The following MACROD1 variants were observed in gnomAD, a reference collection of about 807,000 sequenced individuals.
The protein encoded by MACROD1 is mono-ADP ribosylhydrolase 1.
MACROD1 carries 31 observed loss-of-function variants against 41.4 expected under a neutral mutation model. The ratio of observed to expected loss-of-function variants is 0.75; its 90% confidence interval spans 0.56 to 1.01. The LOEUF (loss-of-function observed/expected upper bound fraction) is 1.01, where lower values mean the gene tolerates loss of function less well. Ranked by LOEUF, MACROD1 falls within the 50% of genes least tolerant of loss-of-function variation. MACROD1 has a pLI of 0.00. For missense variants in MACROD1, 473 were observed against 460.0 expected, an observed-to-expected ratio of 1.03 and a Z score of -0.26; for synonymous variants, 252 against 203.4, an observed-to-expected ratio of 1.24 and a Z score of -2.03.
intron 3 of MACROD1, among the ~76,000 whole-genome samples, chr11:64,109,448 T>C (rs1270350721): frequency 6.6e-6 from 1 of 151,862 alleles, no homozygotes; most frequent in Non-Finnish European, 1.5e-5. Flanking sequence ...GGGCAGCAGC[T>C]CCACAAAGGG....
chr11:64,117,248 C>A (rs929171159), intron 3 of MACROD1: 1 of 1,614,212 alleles, frequency 6.2e-7, no homozygotes, highest in Non-Finnish European at 8.5e-7. Flanking sequence ...TGCTCAGGAA[C>A]AACCCTTGGT....
chr11:64,116,832 C>A lies in MACROD1; in HGVS notation c.517+34407G>T. On this transcript the variant is annotated intron_variant, in intron 3 of 10. Transcript: ENST00000255681. ...GCTGCTCTTCCTGAGCCGGAACCAC[C>A]TGAGCAGCATCCCCTCGGGGCTGCC... 1 of 1,613,118 alleles carries A rather than the reference C, an allele frequency of 6.2e-7. No individual in the cohort carries two copies. The highest frequency in any genetic ancestry group is 8.5e-7 in the Non-Finnish European group (1 of 1,179,984).
chr11:64,101,741 A>T, intron 3 of MACROD1, among the ~76,000 whole-genome samples: 1 of 151,722 alleles, frequency 6.6e-6, no homozygotes, highest in Admixed American at 6.5e-5. Flanking sequence ...CCTCCTGCGT[A>T]AGCCCCACCG....
rs890802668 is a variant in MACROD1 at position 64,064,320 on chromosome 11, T to C, written c.518-49039A>G. Among the ~76,000 whole-genome samples the C allele has an allele frequency of 1.3e-5, 2 of 152,060 alleles. No individual in the cohort carries two copies. Among genetic ancestry groups the C allele is most frequent in the Non-Finnish European group, 2.9e-5 (2 of 67,994 alleles). On this transcript the variant is annotated intron_variant, in intron 3 of 10. Transcript: ENST00000255681. This position sits in a 1 kb window ranked among gnomAD's most constrained non-coding sequence, Gnocchi z 4.5. The stretch of plus-strand genomic sequence containing the variant: ...GTTCAGGCGGCGGGTAGGGGGGTGA[T>C]GTCTCATCAGAAGAGGGGCCTGCCT...
intron 3 of MACROD1, chr11:64,118,568 T>G: frequency 2.6e-6 from 1 of 378,532 alleles, no homozygotes; most frequent in South Asian, 8.1e-5. Context: ...GGACTAAAAA[T>G]AATATTGCAG....
intron 3 of MACROD1, among the ~76,000 whole-genome samples, chr11:64,073,923 G>C (rs1944154575): frequency 6.6e-6 from 1 of 152,182 alleles, no homozygotes; most frequent in African/African-American, 2.4e-5. Flanking sequence ...GGTTGGTTGG[G>C]CTGAAGGTCA....
At chr11:64,153,571 C>CA (rs1945618250) in intron 1 of MACROD1, among the ~76,000 whole-genome samples, 1 of 152,174 alleles carries the variant, frequency 6.6e-6, no homozygotes, top group African/African-American at 2.4e-5. Context: ...AGGCCTCCAT[C>CA]TCCTCATCTA....
rs533650467 is a variant in MACROD1, at chr11:64,152,983, C to A, written c.299-590G>T. Among the ~76,000 whole-genome samples the A allele has an allele frequency of 6.6e-5, 10 of 152,276 alleles. No individual in the cohort carries two copies. In the South Asian group the frequency reaches 1.9e-3, roughly 29 times the overall value. On this transcript the variant is annotated intron_variant, in intron 1 of 10. Transcript: ENST00000255681. The stretch of plus-strand genomic sequence containing the variant: ...CCAGCATGACCAATGGGGTTGGAAT[C>A]GTTCTCGTTTTACAGATGAGGAAAC...
At chr11:64,039,163 G>A (rs182823997) in intron 3 of MACROD1, among the ~76,000 whole-genome samples, 31 of 152,272 alleles carry the variant, frequency 2.0e-4, no homozygotes, top group Middle Eastern at 3.4e-3. Flanking sequence ...AGGGGGAGCT[G>A]GAGGGCTTTT....
rs77630047 is a variant in MACROD1 at position 64,001,958 on chromosome 11, A to G, written c.548-1615T>C. ...AGTTGCTCCATCTGGAAAATGGGAT[A>G]ATAGCACCCACCTCAGAGCTCATTG... On this transcript the variant is annotated intron_variant, in intron 4 of 10. Transcript: ENST00000255681. 460 of 598,794 alleles carry G rather than the reference A, an allele frequency of 7.7e-4. 2 individuals carry two copies. In the African/African-American group the frequency reaches 8.0e-3, roughly 10 times the overall value. 37.1% of individuals were successfully genotyped at this position (598,794 alleles called of 1,614,324 possible). A position where few individuals can be genotyped will look rare whatever the true frequency, so the allele number is the denominator to read the frequency against.
At chr11:64,141,518 T>G (rs1317380421) in intron 3 of MACROD1, among the ~76,000 whole-genome samples, 1 of 152,210 alleles carries the variant, frequency 6.6e-6, no homozygotes, top group Non-Finnish European at 1.5e-5. Flanking sequence ...TGAAACCAGC[T>G]CGGCTGTGCC....
chr11:64,140,895 G>T (rs905688904), intron 3 of MACROD1, among the ~76,000 whole-genome samples: 8 of 152,206 alleles, frequency 5.3e-5, no homozygotes, highest in African/African-American at 1.9e-4. Flanking sequence ...AGCACTTTGG[G>T]AGGCCTAGGC....
chr11:64,024,591 T>A (rs2134354561), intron 3 of MACROD1, among the ~76,000 whole-genome samples: 1 of 152,328 alleles, frequency 6.6e-6, no homozygotes, highest in African/African-American at 2.4e-5. Flanking sequence ...CACATTAGCA[T>A]AACCATAAGC....
Position 63,999,757 on chromosome 11 carries a change from A to G in MACROD1, c.671T>C (p.Ile224Thr). The G allele has an allele frequency of 6.2e-7, 1 of 1,606,490 alleles. No individual in the cohort carries two copies. The highest frequency in any genetic ancestry group is 8.5e-7 in the Non-Finnish European group (1 of 1,179,414). Reference protein sequence around the residue: ...GGYRLPAKYVIHTVGPIAYGE... With the variant: ...GGYRLPAKYVTHTVGPIAYGE... ...GTAGGCGATGGGCCCCACTGTGTGGATGACGTCTACGGGGGGCGACGGGGT... is the reference window on the plus strand; with the variant it reads ...GTAGGCGATGGGCCCCACTGTGTGGGTGACGTCTACGGGGGGCGACGGGGT... Residue 224 changes from isoleucine to threonine, a missense_variant, in exon 6 of 11, where the codon ATC becomes ACC. By Grantham distance (89) the Ile-to-Thr change is moderately conservative (BLOSUM62 -1). Coordinates refer to ENST00000255681, the MANE Select transcript of MACROD1 (RefSeq NM_014067.4).
intron 3 of MACROD1, chr11:64,116,296 C>T (rs781081816): frequency 3.7e-6 from 6 of 1,604,240 alleles, no homozygotes; most frequent in Non-Finnish European, 5.1e-6. Flanking sequence ...ACCGCCACTG[C>T]CACCACCACG....
intron 1 of MACROD1, among the ~76,000 whole-genome samples, chr11:64,164,874 G>A (rs1745717881): frequency 6.7e-6 from 1 of 149,808 alleles, no homozygotes; most frequent in Non-Finnish European, 1.5e-5. Flanking sequence ...GTGCCCGGCA[G>A]GGCTATTTGG....
chr11:64,121,921 G>GA (rs1945104916), intron 3 of MACROD1, among the ~76,000 whole-genome samples: 1 of 151,546 alleles, frequency 6.6e-6, no homozygotes, highest in Admixed American at 6.6e-5. Context: ...TAGATGTAGT[G>GA]ATTGGAATCT....
At chr11:64,012,667 G>A (rs1295082207) in intron 4 of MACROD1, among the ~76,000 whole-genome samples, 1 of 152,026 alleles carries the variant, frequency 6.6e-6, no homozygotes, top group Non-Finnish European at 1.5e-5. Context: ...CCAAAGAACT[G>A]GAATTACAGG....
At position 64,094,866 on chromosome 11, in the gene MACROD1, G is replaced by A. The variant is rs539496785; in HGVS notation, c.517+56373C>T. 1.4e-4 allele frequency among the ~76,000 whole-genome samples: 22 copies of A among 152,358 alleles called. No individual in the cohort carries two copies. The South Asian group carries it at 4.1e-3, about 29-fold the overall frequency. ...CCAGAGGTCACATCCAGGTTGGGGGGCCCAGGAGTGGATTTCGCCGAATGT... is the reference window on the plus strand; with the variant it reads ...CCAGAGGTCACATCCAGGTTGGGGGACCCAGGAGTGGATTTCGCCGAATGT... On this transcript the variant is annotated intron_variant, in intron 3 of 10. Transcript: ENST00000255681.
Sources: gnomAD v4.1 joint callset for allele counts (sites outside exome capture counted in the v4.1 genomes callset) on GRCh38, gnomAD v4.1.1 for gene constraint, Gnocchi (gnomAD v3.1) non-coding constraint, MANE v1.5 for transcripts, NCBI Gene and HGNC (gene_info 2026-07-23, HGNC 2026-07-21) for gene names.